Variants in ACER3 observed in about 807,000 individuals in gnomAD.
ACER3 encodes alkaline ceramidase 3.
ACER3 carries 16 observed loss-of-function variants against 48.9 expected under a neutral mutation model. The observed-to-expected ratio is 0.33, with a 90% CI of 0.22 to 0.50. ACER3 has a LOEUF of 0.50. ACER3 is among the 20% of genes least tolerant of loss of function. The pLI is 0.98. For synonymous variants in ACER3, 109 were observed against 107.8 expected (o/e 1.01, Z -0.07); for missense variants, 227 against 326.0 (o/e 0.70, Z 2.34).
chr11:76,926,676 A>G lies in ACER3; in HGVS notation c.214+9A>G. The G allele has an allele frequency of 6.6e-7, 1 of 1,516,754 alleles. No individual in the cohort carries two copies. The highest frequency in any genetic ancestry group is 1.7e-4 in the Middle Eastern group (1 of 5,900). The allele number at this position is 1,516,754 out of a possible 1,614,324, so 94.0% of individuals were successfully genotyped here. A position where few individuals can be genotyped will look rare whatever the true frequency, so the allele number is the denominator to read the frequency against. ...TTATTTAGCACTCACAGGTATGTATAACACTGTATCTGAAGAAATGTACAG... is the reference window on the plus strand; with the variant it reads ...TTATTTAGCACTCACAGGTATGTATGACACTGTATCTGAAGAAATGTACAG... On this transcript the variant is annotated intron_variant, in intron 2 of 10. Coordinates refer to ENST00000532485, the MANE Select transcript of ACER3 (RefSeq NM_018367.7).
intron 1 of ACER3, chr11:76,868,172 T>A: frequency 7.8e-7 from 1 of 1,289,848 alleles, no homozygotes; most frequent in South Asian, 1.2e-5. Flanking sequence ...TGAGCACACA[T>A]CAGGCTTCTT....
At chr11:76,985,156 A>G (rs1457441236) in intron 4 of ACER3, among the ~76,000 whole-genome samples, 1 of 152,178 alleles carries the variant, frequency 6.6e-6, no homozygotes, top group Non-Finnish European at 1.5e-5. Flanking sequence ...TTTTGGAGAC[A>G]GGGTCTTGCT....
chr11:76,956,972 C>G (rs1422662712), intron 2 of ACER3, among the ~76,000 whole-genome samples: 1 of 152,008 alleles, frequency 6.6e-6, no homozygotes, highest in African/African-American at 2.4e-5. Context: ...TGGCTTCATA[C>G]AAATTATTTA....
At chr11:76,914,740 T>G (rs1024705525) in intron 1 of ACER3, among the ~76,000 whole-genome samples, 5 of 152,162 alleles carry the variant, frequency 3.3e-5, no homozygotes, top group Admixed American at 6.5e-5. Context: ...TAAAGACACA[T>G]GCATACGTAT....
intron 2 of ACER3, among the ~76,000 whole-genome samples, chr11:76,933,210 G>A (rs1947063271): frequency 8.3e-6 from 1 of 120,902 alleles, no homozygotes; most frequent in African/African-American, 2.7e-5. Context: ...TCACTATTCT[G>A]ACTGAAGTGG....
chr11:76,897,556 AC>A (rs1945964731), intron 1 of ACER3, among the ~76,000 whole-genome samples: 2 of 152,136 alleles, frequency 1.3e-5, no homozygotes, highest in African/African-American at 4.8e-5. Context: ...TTAAAAAAAA[AC>A]ACGTGTTATT....
intron 2 of ACER3, among the ~76,000 whole-genome samples, chr11:76,957,902 C>A (rs1947883624): frequency 2.0e-5 from 3 of 151,274 alleles, no homozygotes; most frequent in Admixed American, 1.3e-4. Flanking sequence ...AAAATGGAGG[C>A]ACTTGGGAAG....
At chr11:77,005,994 T>TATATATATACATATATATA (rs1272209642) in intron 7 of ACER3, among the ~76,000 whole-genome samples, 6 of 82,106 alleles carry the variant, frequency 7.3e-5, no homozygotes, top group African/African-American at 2.4e-4. Context: ...TATATATATT[T>TATATATATACATATATATA]TTTTTTTTTT....
At chr11:76,873,522 A>T (rs1945296351) in intron 1 of ACER3, among the ~76,000 whole-genome samples, 1 of 152,032 alleles carries the variant, frequency 6.6e-6, no homozygotes, top group Non-Finnish European at 1.5e-5. Context: ...GTTAAGTTGA[A>T]CTTTTTTATT....
intron 2 of ACER3, among the ~76,000 whole-genome samples, chr11:76,938,655 T>G (rs140715527): frequency 6.6e-6 from 1 of 152,262 alleles, no homozygotes; most frequent in Non-Finnish European, 1.5e-5. Context: ...GAGCTAGGAT[T>G]CTCACTGTGG....
At chr11:76,869,711 A>T (rs1443892581) in intron 1 of ACER3, among the ~76,000 whole-genome samples, 1 of 152,074 alleles carries the variant, frequency 6.6e-6, no homozygotes, top group Admixed American at 6.5e-5. Flanking sequence ...TGACTACTCT[A>T]AGTACCTCAT....
At chr11:76,876,804 A>G (rs543854624) in intron 1 of ACER3, among the ~76,000 whole-genome samples, 8 of 152,280 alleles carry the variant, frequency 5.3e-5, no homozygotes, top group African/African-American at 1.9e-4. Context: ...TCCTTGCCCT[A>G]CTTACATTTC....
At chr11:76,913,040 GC>G (rs1381045181) in intron 1 of ACER3, among the ~76,000 whole-genome samples, 1 of 152,076 alleles carries the variant, frequency 6.6e-6, no homozygotes, top group Non-Finnish European at 1.5e-5. Flanking sequence ...AGAGAAGAAA[GC>G]AAAAAAACAA....
intron 2 of ACER3, among the ~76,000 whole-genome samples, chr11:76,945,084 A>T (rs1947439802): frequency 6.7e-6 from 1 of 149,878 alleles, no homozygotes; most frequent in East Asian, 2.0e-4. Context: ...TAAGATATTT[A>T]TCTCTTTGGT....
chr11:76,957,440 G>A, intron 2 of ACER3: 1 of 451,614 alleles, frequency 2.2e-6, no homozygotes, highest in Non-Finnish European at 4.4e-6. Flanking sequence ...TTAACTTTTT[G>A]TGTGTGTGTT....
chr11:76,871,077 C>G (rs986365333), intron 1 of ACER3, among the ~76,000 whole-genome samples: 5 of 152,172 alleles, frequency 3.3e-5, no homozygotes, highest in Non-Finnish European at 5.9e-5. Flanking sequence ...AATAATTTGT[C>G]TAAAGTTTTC....
intron 2 of ACER3, among the ~76,000 whole-genome samples, chr11:76,938,914 A>C (rs1947264021): frequency 1.3e-5 from 2 of 152,074 alleles, no homozygotes; most frequent in South Asian, 4.1e-4. Flanking sequence ...TTTTGGGCTA[A>C]GGCAGGGAAA....
chr11:76,930,344 A>G (rs1946961377), intron 2 of ACER3, among the ~76,000 whole-genome samples: 1 of 151,594 alleles, frequency 6.6e-6, no homozygotes, highest in African/African-American at 2.4e-5. Flanking sequence ...CATCTATTTG[A>G]TTCTTCTCTC....
At chr11:76,868,431 G>GTA (rs1554989572) in intron 1 of ACER3, among the ~76,000 whole-genome samples, 1 of 148,526 alleles carries the variant, frequency 6.7e-6, no homozygotes, top group South Asian at 2.1e-4. Context: ...GTGTGTGTGT[G>GTA]TATAGCCCAT....
Sources: allele counts gnomAD v4.1 joint callset (sites outside exome capture counted in the v4.1 genomes callset), GRCh38; gene constraint gnomAD v4.1.1; transcripts MANE v1.5; gene names NCBI Gene and HGNC (gene_info 2026-07-23, HGNC 2026-07-21).